Variants in ZNF469 observed in about 807,000 individuals in gnomAD.
ZNF469 encodes the protein zinc finger protein 469.
A neutral mutation model predicts 1.0 loss-of-function variants in ZNF469; 1 was observed. That is an observed-to-expected ratio of 1.00 (90% confidence interval 0.35 to 4.73). ZNF469 has a LOEUF of 4.73. Ranked by LOEUF, ZNF469 falls within the 30% of genes most tolerant of loss-of-function variation. The pLI, the probability that ZNF469 is intolerant of heterozygous loss-of-function variation, is 0.16. For missense variants in ZNF469, 6,100 were observed against 5,356.3 expected (o/e 1.14, Z -4.33); for synonymous variants, 2,703 against 2,363.4 (o/e 1.14, Z -4.17).
At chr16:88,372,808 TACC>T in the ZNF469 span, among the ~76,000 whole-genome samples, 5 of 145,454 alleles carry the variant, frequency 3.4e-5, no homozygotes, top group African/African-American at 7.6e-5. Context: ...CCACCATCAT[TACC>T]ACCATCATCA....
the ZNF469 span, among the ~76,000 whole-genome samples, chr16:88,249,368 G>C: frequency 4.1e-5 from 6 of 147,656 alleles, no homozygotes; most frequent in Admixed American, 4.1e-4. Context: ...GGACTCCCAA[G>C]ATGGGACTAC....
At chr16:88,328,033 C>G in the ZNF469 span, among the ~76,000 whole-genome samples, 3 of 152,218 alleles carry the variant, frequency 2.0e-5, no homozygotes, top group Non-Finnish European at 2.9e-5. Context: ...CAGCAGCTCC[C>G]GGCACACACG....
At chr16:88,105,707 C>T in the ZNF469 span, among the ~76,000 whole-genome samples, 7 of 152,240 alleles carry the variant, frequency 4.6e-5, no homozygotes, top group Non-Finnish European at 1.0e-4. Context: ...AGCTGAAAGC[C>T]TGAGTGCTAA....
chr16:88,431,464 G>A lies in ZNF469; in HGVS notation c.3994G>A (p.Ala1332Thr). The A allele has an allele frequency of 6.4e-7, 1 of 1,550,388 alleles. No homozygotes were observed. The highest frequency in any genetic ancestry group is 8.7e-7 in the Non-Finnish European group (1 of 1,146,978). The stretch of plus-strand genomic sequence containing the variant: ...GCCTGGAGAATTTCTGGCACCCGTG[G>A]CTAACCCCTCAAGTACCGCCTGCCC... ...RQPGEFLAPVANPSSTACPKP... is the reference protein window; with the variant it reads ...RQPGEFLAPVTNPSSTACPKP... The change falls in exon 3 of 3, where the codon GCT becomes ACT. Residue 1332 changes from alanine (A) to threonine (T), a missense_variant. Coordinates refer to ENST00000565624, the MANE Select transcript of ZNF469 (RefSeq NM_001367624.2).
At chr16:88,387,647 C>G (rs147233871) in intron 1 of ZNF469, among the ~76,000 whole-genome samples, 1 of 152,120 alleles carries the variant, frequency 6.6e-6, no homozygotes, top group Non-Finnish European at 1.5e-5. Flanking sequence ...AGGGAGCTGG[C>G]CTTGGGGAGG....
At position 88,436,161 on chromosome 16, in the gene ZNF469, G is replaced by C; in HGVS notation, c.8691G>C (p.Glu2897Asp). Residue 2897 changes from glutamate to aspartate, a missense_variant, in exon 3 of 3, where the codon GAG (glutamate) becomes GAC (aspartate). Physicochemically the swap from Glu to Asp is conservative, Grantham distance 45. Transcript: ENST00000565624. ...LPLPTQPSFE[E>D]GGDPTLGPAR... ...TGCCAACCCAGCCCAGCTTTGAGGA[G>C]GGCGGTGACCCCACGCTGGGCCCAG... 6.5e-7 allele frequency: 1 copy of C among 1,547,892 alleles called. No individual in the cohort carries two copies. The highest frequency in any genetic ancestry group is 8.7e-7 in the Non-Finnish European group (1 of 1,146,974).
rs1245813615 is a variant in ZNF469 at position 88,440,287 on chromosome 16, C to G, written c.*955C>G. ...GCACGGGCACCTGCATGGCGGCGCT[C>G]TCCCTGCCTCCCCTGCCGGGCTGCA... is the stretch of plus-strand genomic sequence containing the variant. On this transcript the variant is annotated 3_prime_UTR_variant, in exon 3 of 3. Coordinates refer to ENST00000565624, the MANE Select transcript of ZNF469 (RefSeq NM_001367624.2). 9 of 152,172 alleles carry G rather than the reference C, an allele frequency of 5.9e-5. No individual in the cohort carries two copies. The allele number at this position is 152,172 out of a possible 1,614,324, so 9.4% of individuals were successfully genotyped here.
rs533314130 is a variant in ZNF469, at chr16:88,435,669, G to T, written c.8199G>T (p.Gly2733=). 5.3e-5 allele frequency: 82 copies of T among 1,550,570 alleles called. 1 individual carries two copies. The South Asian group carries it at 8.8e-4, about 17-fold the overall frequency. Residue 2733 remains glycine, a synonymous_variant, in exon 3 of 3, where the codon GGG becomes GGT. Transcript: ENST00000565624. ...CTGGAGATCGGATGCTGTGTCCAGG[G>T]AGGATGGATGGTGCAGCTCTGGGGG... ...KPPGDRMLCP[G]RMDGAALGEQ... is the part of the protein sequence containing the mutation.
At chr16:88,361,294 T>G in the ZNF469 span, among the ~76,000 whole-genome samples, 17,239 of 152,258 alleles carry the variant, frequency 0.11, 1,019 homozygotes, top group Middle Eastern at 0.2. Context: ...GCTTACCTAC[T>G]ACTCATCTCC....
At position 88,437,646 on chromosome 16, in the gene ZNF469, G is replaced by A. The variant is rs1167152706; in HGVS notation, c.10176G>A (p.Glu3392=). 1 of 1,543,222 alleles carries A rather than the reference G, an allele frequency of 6.5e-7. No individual in the cohort carries two copies. The highest frequency in any genetic ancestry group is 8.8e-7 in the Non-Finnish European group (1 of 1,141,762). The change falls in exon 3 of 3, where the codon GAG becomes GAA. Residue 3392 remains glutamate, a synonymous_variant. Transcript: ENST00000565624. ...TGGGCGGGGCGCACGGGCTGCTGGA[G>A]CGGCCGGAGCTGCAGCACACGCCGC... The part of the protein sequence containing the change: ...AHLGGAHGLL[E]RPELQHTPLY...
chr16:88,126,285 TG>T, the ZNF469 span, among the ~76,000 whole-genome samples: 2 of 148,948 alleles, frequency 1.3e-5, no homozygotes, highest in African/African-American at 4.9e-5. Context: ...CTCTCCTGCA[TG>T]CTTTTTATTG....
the ZNF469 span, among the ~76,000 whole-genome samples, chr16:88,108,891 C>G: frequency 4.6e-5 from 7 of 152,142 alleles, no homozygotes; most frequent in African/African-American, 1.7e-4. Context: ...CAGCCCCGGT[C>G]GGGACTTCAG....
chr16:88,346,197 C>T, the ZNF469 span, among the ~76,000 whole-genome samples: 610 of 152,374 alleles, frequency 4.0e-3, 2 homozygotes, highest in African/African-American at 0.014. Context: ...AGGCCCGATT[C>T]TCCAGTGGTT....
chr16:88,320,089 G>A, the ZNF469 span, among the ~76,000 whole-genome samples: 1 of 152,258 alleles, frequency 6.6e-6, no homozygotes, highest in Non-Finnish European at 1.5e-5. Flanking sequence ...GGAGCATTAT[G>A]CAGCCATTCA....
At chr16:88,349,793 C>T in the ZNF469 span, among the ~76,000 whole-genome samples, 68 of 141,016 alleles carry the variant, frequency 4.8e-4, no homozygotes, top group Middle Eastern at 4.0e-3. Context: ...GCACACACAC[C>T]AGGCACATTA....
the ZNF469 span, among the ~76,000 whole-genome samples, chr16:88,350,951 C>A: frequency 6.6e-6 from 1 of 152,390 alleles, no homozygotes; most frequent in East Asian, 1.9e-4. Context: ...TGGACCCTGA[C>A]TTCCAGAACT....
the ZNF469 span, among the ~76,000 whole-genome samples, chr16:88,147,392 T>C: frequency 6.6e-6 from 1 of 151,934 alleles, no homozygotes; most frequent in African/African-American, 2.4e-5. Flanking sequence ...ACAGAGACTG[T>C]GGCCATCGTT....
intron 1 of ZNF469, among the ~76,000 whole-genome samples, chr16:88,397,635 G>GATTA (rs1567500441): frequency 2.3e-5 from 2 of 88,462 alleles, no homozygotes; most frequent in African/African-American, 1.0e-4. Context: ...ATGGATGGAT[G>GATTA]GATGGATGGA....
chr16:88,252,605 A>G, the ZNF469 span, among the ~76,000 whole-genome samples: 2 of 152,212 alleles, frequency 1.3e-5, no homozygotes, highest in Non-Finnish European at 2.9e-5. Flanking sequence ...CTCAGCTCTC[A>G]TGCCATTCCC....
Sources: allele counts gnomAD v4.1 joint callset (sites outside exome capture counted in the v4.1 genomes callset), GRCh38; gene constraint gnomAD v4.1.1; transcripts MANE v1.5; gene names NCBI Gene and HGNC (gene_info 2026-07-23, HGNC 2026-07-21).